The following SPPL3 variants were observed in gnomAD, a reference collection of about 807,000 sequenced individuals.
The protein encoded by SPPL3 is signal peptide peptidase-like 3.
In SPPL3, 5 loss-of-function variants were observed where a neutral mutation model predicts 42.4. The ratio of observed to expected loss-of-function variants is 0.12; its 90% CI spans 0.06 to 0.25. The LOEUF is 0.25. SPPL3 is among the 10% of genes least tolerant of loss of function. SPPL3 has a pLI of 1.00. For synonymous variants in SPPL3, 195 were observed against 181.8 expected (o/e 1.07, Z -0.58); for missense variants, 235 against 489.0 (o/e 0.48, Z 4.90).
chr12:120,862,862 A>G (rs951798087), intron 1 of SPPL3, among the ~76,000 whole-genome samples: 2 of 152,132 alleles, frequency 1.3e-5, no homozygotes, highest in Admixed American at 6.5e-5. Context: ...TCTTCTAGCA[A>G]CCAGTCATCA....
chr12:120,841,699 T>C (rs1224830262), intron 1 of SPPL3, among the ~76,000 whole-genome samples: 1 of 152,210 alleles, frequency 6.6e-6, no homozygotes, highest in Non-Finnish European at 1.5e-5. Context: ...CTTTATACAA[T>C]TAGCCCAATG....
At chr12:120,802,630 C>T (rs904074247) in intron 2 of SPPL3, among the ~76,000 whole-genome samples, 4 of 151,478 alleles carry the variant, frequency 2.6e-5, no homozygotes, top group Non-Finnish European at 5.9e-5. Context: ...GATGGAGTTT[C>T]ACCATGTTGG....
At chr12:120,809,157 A>G (rs1333271892) in intron 2 of SPPL3, among the ~76,000 whole-genome samples, 2 of 152,204 alleles carry the variant, frequency 1.3e-5, no homozygotes, top group Non-Finnish European at 2.9e-5. Context: ...CATCCTGGCT[A>G]ACACGGTGAA....
intron 1 of SPPL3, among the ~76,000 whole-genome samples, chr12:120,901,263 ATAT>A (rs1873974071): frequency 6.6e-6 from 1 of 152,130 alleles, no homozygotes; most frequent in Non-Finnish European, 1.5e-5. Context: ...TTATTTTATT[ATAT>A]TATTAGTCAG....
At chr12:120,860,678 A>T (rs1301293403) in intron 1 of SPPL3, among the ~76,000 whole-genome samples, 1 of 152,200 alleles carries the variant, frequency 6.6e-6, no homozygotes, top group Non-Finnish European at 1.5e-5. Context: ...ACACACGCAC[A>T]AAAGTTTGTT....
At chr12:120,808,134 C>T (rs141000069) in intron 2 of SPPL3, among the ~76,000 whole-genome samples, 151 of 147,240 alleles carry the variant, frequency 1.0e-3, no homozygotes, top group African/African-American at 3.7e-3. Context: ...GGGTCTCACT[C>T]TGATACCCAG....
At chr12:120,818,532 A>G (rs1211882869) in intron 1 of SPPL3, among the ~76,000 whole-genome samples, 1 of 152,248 alleles carries the variant, frequency 6.6e-6, no homozygotes, top group Non-Finnish European at 1.5e-5. Context: ...GCAAGTGCTT[A>G]TAACACATAT....
intron 1 of SPPL3, chr12:120,845,614 C>CA: frequency 2.2e-6 from 1 of 452,466 alleles, no homozygotes; most frequent in Non-Finnish European, 4.3e-6. Context: ...TCTTTTCTGT[C>CA]AAAAAGGCCC....
chr12:120,866,210 T>A (rs917368042), intron 1 of SPPL3, among the ~76,000 whole-genome samples: 1 of 152,016 alleles, frequency 6.6e-6, no homozygotes, highest in African/African-American at 2.4e-5. Context: ...ATCCTCCCCC[T>A]CCTCCCCATC....
intron 1 of SPPL3, among the ~76,000 whole-genome samples, chr12:120,877,567 G>A: frequency 6.6e-6 from 1 of 152,020 alleles, no homozygotes; most frequent in East Asian, 1.9e-4. Flanking sequence ...GATCACCCAA[G>A]GTCAGGAGTT....
At chr12:120,858,106 T>A (rs184342628) in intron 1 of SPPL3, among the ~76,000 whole-genome samples, 1 of 152,070 alleles carries the variant, frequency 6.6e-6, no homozygotes, top group African/African-American at 2.4e-5. Context: ...AATAAAAACA[T>A]ACCAGAAAAA....
intron 6 of SPPL3, among the ~76,000 whole-genome samples, chr12:120,781,329 T>C (rs1277636713): frequency 6.6e-6 from 1 of 152,090 alleles, no homozygotes; most frequent in African/African-American, 2.4e-5. Flanking sequence ...TTCTAGGAAT[T>C]TCATGTCTAG....
intron 1 of SPPL3, among the ~76,000 whole-genome samples, chr12:120,898,047 C>T (rs1873861706): frequency 6.6e-6 from 1 of 152,102 alleles, no homozygotes; most frequent in Non-Finnish European, 1.5e-5. Flanking sequence ...CGCAGTGGCT[C>T]ATGCCTATAA....
intron 6 of SPPL3, among the ~76,000 whole-genome samples, chr12:120,772,991 C>A (rs1869178136): frequency 6.6e-6 from 1 of 152,134 alleles, no homozygotes; most frequent in Non-Finnish European, 1.5e-5. Flanking sequence ...TAAATAAATT[C>A]ATACAACCAA....
intron 1 of SPPL3, among the ~76,000 whole-genome samples, chr12:120,831,605 TTTCCCTTCCTAC>T (rs1871428418): frequency 6.6e-6 from 1 of 152,224 alleles, no homozygotes; most frequent in South Asian, 2.1e-4. Flanking sequence ...CTAATACAGC[TTTCCCTTCCTAC>T]TGTGGAGTTT....
chr12:120,900,252 C>A (rs1364535935), intron 1 of SPPL3, among the ~76,000 whole-genome samples: 1 of 151,704 alleles, frequency 6.6e-6, no homozygotes, highest in Non-Finnish European at 1.5e-5. Context: ...TTTAGTGGCA[C>A]AACAGTCTCC....
chr12:120,812,950 G>A (rs1380038459), intron 1 of SPPL3, among the ~76,000 whole-genome samples: 1 of 152,202 alleles, frequency 6.6e-6, no homozygotes. Context: ...CATGAATGCT[G>A]CTGAGAGGTC....
chr12:120,768,196 C>T, intron 8 of SPPL3, 129 bp downstream of exon 8: 1 of 1,199,006 alleles, frequency 8.3e-7, no homozygotes, highest in South Asian at 1.8e-5. Flanking sequence ...TCCTCATTTC[C>T]TCTTCTGCAG....
At chr12:120,901,971 C>T in intron 1 of SPPL3, 1 of 982,224 alleles carries the variant, frequency 1.0e-6, no homozygotes, top group Non-Finnish European at 1.2e-6. Flanking sequence ...GTAAAAACAG[C>T]AAAGCAGCCA....
Sources: allele counts gnomAD v4.1 joint callset (sites outside exome capture counted in the v4.1 genomes callset), GRCh38; gene constraint gnomAD v4.1.1; transcripts MANE v1.5; gene names NCBI Gene and HGNC (gene_info 2026-07-23, HGNC 2026-07-21).